CPNE4: variants seen among roughly 807,000 people sequenced by gnomAD.
The protein encoded by CPNE4 is copine 4, also known as copine-4.
A neutral mutation model predicts 67.9 loss-of-function variants in CPNE4; 25 were observed. The observed-to-expected ratio is 0.37, with a 90% CI of 0.27 to 0.51. CPNE4 has a LOEUF of 0.51. CPNE4 is among the 20% of genes least tolerant of loss of function. The probability of loss-of-function intolerance (pLI) is 0.93; values close to 1 mark genes in which losing one functional copy is unlikely to be tolerated. For synonymous variants in CPNE4, 242 were observed against 244.9 expected (o/e 0.99, Z 0.11); for missense variants, 464 against 690.8 (o/e 0.67, Z 3.68).
intron 1 of CPNE4, among the ~76,000 whole-genome samples, chr3:131,995,264 T>C (rs886726478): frequency 3.3e-5 from 5 of 152,158 alleles, no homozygotes; most frequent in Non-Finnish European, 5.9e-5. Context: ...ATTTCATGGG[T>C]TGAGCCAGGA....
chr3:131,560,434 A>G lies in CPNE4; in HGVS notation c.1061+3782T>C, dbSNP rs115030068. Among the ~76,000 whole-genome samples the G allele has an allele frequency of 3.6e-3, 546 of 152,114 alleles. 4 individuals are homozygous for G. Among genetic ancestry groups the G allele is most frequent in the African/African-American group, 0.012 (503 of 41,538 alleles). On this transcript the variant is annotated intron_variant, in intron 11 of 15. Coordinates refer to ENST00000429747, the MANE Select transcript of CPNE4 (RefSeq NM_130808.3). Reference sequence around the variant, plus strand: ...AGAACAAATCCATCCACATTCTAATAACAACAAAGCTGAAGGCCAAATTCT... The same window carrying G: ...AGAACAAATCCATCCACATTCTAATGACAACAAAGCTGAAGGCCAAATTCT...
chr3:131,700,007 A>AAAAGGTAG, intron 3 of CPNE4, 27 bp from the exon 4 acceptor site: 1 of 1,579,320 alleles, frequency 6.3e-7, no homozygotes. Context: ...AAAAGGTAAC[A>AAAAGGTAG]AAAGGTAGAG....
chr3:131,557,045 G>A (rs1319839434), intron 11 of CPNE4, among the ~76,000 whole-genome samples: 1 of 152,042 alleles, frequency 6.6e-6, no homozygotes, highest in Non-Finnish European at 1.5e-5. Flanking sequence ...ATACCTTTCT[G>A]TTATACCATT....
chr3:131,799,110 C>A (rs59694195), intron 2 of CPNE4, among the ~76,000 whole-genome samples: 71,296 of 151,656 alleles, frequency 0.47, 17,417 homozygotes, highest in African/African-American at 0.6. Flanking sequence ...CTGGCTCCGA[C>A]AGAAAAAAAA....
At chr3:131,765,785 A>T (rs887335179) in intron 2 of CPNE4, among the ~76,000 whole-genome samples, 2 of 152,126 alleles carry the variant, frequency 1.3e-5, no homozygotes, top group Non-Finnish European at 2.9e-5. Context: ...AACCCTGTGA[A>T]GGATCGCTAC....
At chr3:131,598,886 T>C (rs1939051152) in intron 7 of CPNE4, among the ~76,000 whole-genome samples, 2 of 129,022 alleles carry the variant, frequency 1.6e-5, no homozygotes, top group South Asian at 5.3e-4. Flanking sequence ...AAGTGGTCCA[T>C]GGAGGAGGAG....
intron 2 of CPNE4, among the ~76,000 whole-genome samples, chr3:131,783,268 T>C (rs573258273): frequency 4.9e-4 from 75 of 152,234 alleles, no homozygotes; most frequent in African/African-American, 1.8e-3. Flanking sequence ...ATATCTGATC[T>C]TCTCAACCAC....
At chr3:131,740,290 A>C (rs1456144066) in intron 2 of CPNE4, among the ~76,000 whole-genome samples, 1 of 152,212 alleles carries the variant, frequency 6.6e-6, no homozygotes, top group African/African-American at 2.4e-5. Context: ...TTAATTCTCT[A>C]GACTGGCTCC....
At chr3:132,022,397 A>C (rs1195289477) in intron 1 of CPNE4, among the ~76,000 whole-genome samples, 3 of 152,204 alleles carry the variant, frequency 2.0e-5, no homozygotes, top group Non-Finnish European at 4.4e-5. Flanking sequence ...AAAGAATAAG[A>C]AACTCAGGTA....
chr3:131,548,605 C>T (rs1936001864), intron 14 of CPNE4, among the ~76,000 whole-genome samples: 1 of 151,982 alleles, frequency 6.6e-6, no homozygotes, highest in Non-Finnish European at 1.5e-5. Flanking sequence ...GAGAGAAACC[C>T]TGGCAGGGGA....
chr3:131,942,461 TGTGAGA>T (rs71136420), intron 1 of CPNE4, among the ~76,000 whole-genome samples: 96 of 57,526 alleles, frequency 1.7e-3, no homozygotes, highest in East Asian at 3.1e-3. Flanking sequence ...TGTGTGTGTG[TGTGAGA>T]GAGAGAGAGA....
At chr3:131,667,678 TCTCTC>T (rs1461392027) in intron 7 of CPNE4, among the ~76,000 whole-genome samples, 2 of 151,936 alleles carry the variant, frequency 1.3e-5, no homozygotes, top group Non-Finnish European at 2.9e-5. Context: ...ATTCTTTCTT[TCTCTC>T]CTCTATCATC....
chr3:131,673,260 G>A (rs1471382009), intron 6 of CPNE4, among the ~76,000 whole-genome samples: 1 of 152,020 alleles, frequency 6.6e-6, no homozygotes, highest in Non-Finnish European at 1.5e-5. Flanking sequence ...ATTGAAGTCA[G>A]GTAATGTGAT....
At chr3:132,021,066 T>G (rs968272682) in intron 1 of CPNE4, among the ~76,000 whole-genome samples, 41 of 152,222 alleles carry the variant, frequency 2.7e-4, no homozygotes, top group Non-Finnish European at 4.9e-4. Context: ...TAAATAAATC[T>G]GACTGATGGT....
chr3:131,570,663 G>C (rs976324426), intron 10 of CPNE4, among the ~76,000 whole-genome samples: 1 of 152,002 alleles, frequency 6.6e-6, no homozygotes, highest in African/African-American at 2.4e-5. Flanking sequence ...TTGCTCTAGA[G>C]TTCTTATGAC....
intron 7 of CPNE4, among the ~76,000 whole-genome samples, chr3:131,657,088 A>G (rs2079991344): frequency 6.6e-6 from 1 of 152,196 alleles, no homozygotes; most frequent in Admixed American, 6.5e-5. Context: ...TTTTCCTATA[A>G]GAATTTACCA....
intron 2 of CPNE4, among the ~76,000 whole-genome samples, chr3:131,801,452 G>GTGTATATATATATATATATATA (rs761978890): frequency 1.3e-4 from 7 of 53,348 alleles, no homozygotes; most frequent in Non-Finnish European, 2.0e-4. Context: ...GTGTGTGTGT[G>GTGTATATATATATATATATATA]TATATATATA....
chr3:131,876,677 CT>C (rs1023370422), intron 2 of CPNE4, among the ~76,000 whole-genome samples: 1 of 141,986 alleles, frequency 7.0e-6, no homozygotes, highest in South Asian at 2.2e-4. Flanking sequence ...AAGAGACATT[CT>C]TTTTCTCTGT....
chr3:131,533,924 T>G lies in CPNE4; in HGVS notation c.*1271A>C, dbSNP rs1935006420. On this transcript the variant is annotated 3_prime_UTR_variant, in exon 16 of 16. Coordinates refer to ENST00000429747, the MANE Select transcript of CPNE4 (RefSeq NM_130808.3). ...TCCTTTTGGTTCCAGACTGGCCAGC[T>G]TATATTGAAACAAAACACCTCGACC... The G allele has an allele frequency of 6.6e-6, 1 of 152,176 alleles. No homozygotes were observed. Among genetic ancestry groups the G allele is most frequent in the Non-Finnish European group, 1.5e-5 (1 of 68,030 alleles). 9.4% of individuals were successfully genotyped at this position (152,176 alleles called of 1,614,324 possible). A position where few individuals can be genotyped will look rare whatever the true frequency, so the allele number is the denominator to read the frequency against.
Sources: gnomAD v4.1 joint callset for allele counts (sites outside exome capture counted in the v4.1 genomes callset) on GRCh38, gnomAD v4.1.1 for gene constraint, MANE v1.5 for transcripts, NCBI Gene and HGNC (gene_info 2026-07-23, HGNC 2026-07-21) for gene names.